The following ITGB3BP variants were observed in gnomAD, a reference collection of about 807,000 sequenced individuals.
ITGB3BP encodes the protein integrin subunit beta 3 binding protein, also known as centromere protein R.
In ITGB3BP, 27 loss-of-function variants were observed where a neutral mutation model predicts 29.1. That is an observed-to-expected ratio of 0.93 (90% CI 0.68 to 1.28). The LOEUF (loss-of-function observed/expected upper bound fraction) is 1.28. Ranked by LOEUF, ITGB3BP falls within the 50% of genes most tolerant of loss-of-function variation. The pLI is 0.00. For synonymous variants in ITGB3BP, 61 were observed against 61.4 expected (o/e 0.99, Z 0.03); for missense variants, 192 against 200.2 (o/e 0.96, Z 0.25).
chr1:63,510,166 G>T (rs980360141), intron 1 of ITGB3BP: 3 of 533,370 alleles, frequency 5.6e-6, no homozygotes, highest in Non-Finnish European at 1.0e-5. Context: ...CTCTAGCCTG[G>T]GCAACGGGAG....
At chr1:63,496,258 A>T (rs1466776306) in intron 2 of ITGB3BP, among the ~76,000 whole-genome samples, 2 of 151,910 alleles carry the variant, frequency 1.3e-5, no homozygotes, top group Non-Finnish European at 2.9e-5. Flanking sequence ...ATGCCTGGCT[A>T]ATTTTTTGTA....
chr1:63,447,752 A>G (rs895457058), intron 7 of ITGB3BP: 1 of 399,370 alleles, frequency 2.5e-6, no homozygotes, highest in Admixed American at 2.8e-5. Flanking sequence ...TAGTTCAACC[A>G]TTGTGGAAGT....
intron 2 of ITGB3BP, among the ~76,000 whole-genome samples, chr1:63,500,073 A>T (rs1645886827): frequency 6.6e-6 from 1 of 152,198 alleles, no homozygotes; most frequent in South Asian, 2.1e-4. Flanking sequence ...ACCTGATCTT[A>T]TATATAGAAT....
In ITGB3BP at chr1:63,454,797, T is replaced by C. The variant is rs574135819; in HGVS notation, c.333+93A>G. 6.9e-6 allele frequency: 4 copies of C among 577,038 alleles called. No individual in the cohort carries two copies. Among genetic ancestry groups the C allele is most frequent in the South Asian group, 3.2e-5 (1 of 31,060 alleles). The allele number at this position is 577,038 out of a possible 1,614,324, so 35.7% of individuals were successfully genotyped here. On this transcript the variant is annotated intron_variant, in intron 5 of 8. Transcript: ENST00000271002. The surrounding 1 kb of genome is among the most constrained non-coding windows in gnomAD (Gnocchi z 4.1). ...TGAAAAGTAAATTAAACATACTCTA[T>C]GCAAACTCTTTCCTGGATTGGATTC... is the stretch of plus-strand genomic sequence containing the variant.
chr1:63,466,712 C>CTT (rs2100559598), intron 4 of ITGB3BP, among the ~76,000 whole-genome samples: 1 of 152,280 alleles, frequency 6.6e-6, no homozygotes, highest in South Asian at 2.1e-4. Context: ...TATCATTGCA[C>CTT]TTTAACTTCC....
upstream of ITGB3BP, chr1:63,525,451 G>A (rs1037380007): frequency 4.1e-6 from 3 of 727,124 alleles, no homozygotes; most frequent in African/African-American, 1.9e-5. Flanking sequence ...TTTCATATAT[G>A]TTATAAATTT....
chr1:63,510,145 G>C, intron 1 of ITGB3BP: 1 of 620,360 alleles, frequency 1.6e-6, no homozygotes, highest in Non-Finnish European at 3.0e-6. Flanking sequence ...AACGGAAATC[G>C]TGCCATTGCA....
chr1:63,480,111 T>C (rs1320397080), intron 3 of ITGB3BP, among the ~76,000 whole-genome samples: 2 of 152,154 alleles, frequency 1.3e-5, no homozygotes, highest in African/African-American at 4.8e-5. Flanking sequence ...AATAAATGGT[T>C]ACCTTCCATT....
intron 2 of ITGB3BP, among the ~76,000 whole-genome samples, chr1:63,497,782 TC>T (rs1409158692): frequency 6.6e-6 from 1 of 152,150 alleles, no homozygotes; most frequent in African/African-American, 2.4e-5. Flanking sequence ...CTTGATCCCT[TC>T]CCCGTCTTCC....
intron 2 of ITGB3BP, among the ~76,000 whole-genome samples, chr1:63,490,733 G>C (rs1276627018): frequency 6.6e-6 from 1 of 152,124 alleles, no homozygotes; most frequent in Non-Finnish European, 1.5e-5. Context: ...AGGCCTTTGA[G>C]GATTTGGCCT....
intron 2 of ITGB3BP, among the ~76,000 whole-genome samples, chr1:63,528,675 C>A (rs1443825016): frequency 6.6e-6 from 1 of 151,644 alleles, no homozygotes; most frequent in Non-Finnish European, 1.5e-5. Context: ...ATATTATACA[C>A]CTACTATGTA....
intron 4 of ITGB3BP, among the ~76,000 whole-genome samples, chr1:63,473,271 C>G (rs1246035629): frequency 6.6e-6 from 1 of 151,798 alleles, no homozygotes; most frequent in African/African-American, 2.4e-5. Flanking sequence ...AGGAGCCCCT[C>G]TGTCCGGCAG....
upstream of ITGB3BP, chr1:63,527,894 T>C (rs1269973872): frequency 3.3e-5 from 5 of 152,218 alleles, no homozygotes; most frequent in Non-Finnish European, 7.4e-5. Context: ...TTCTCAAAAC[T>C]GAACAGAAGA....
intron 4 of ITGB3BP, among the ~76,000 whole-genome samples, chr1:63,465,278 C>A (rs1645080387): frequency 6.6e-6 from 1 of 152,076 alleles, no homozygotes; most frequent in African/African-American, 2.4e-5. Flanking sequence ...ATTTGCGACT[C>A]TGGGGGAGTG....
intron 4 of ITGB3BP, among the ~76,000 whole-genome samples, chr1:63,460,813 T>C (rs1645003988): frequency 6.6e-6 from 1 of 152,196 alleles, no homozygotes; most frequent in African/African-American, 2.4e-5. Flanking sequence ...TTTGTTTAAA[T>C]AGACATCCTC....
intron 7 of ITGB3BP, chr1:63,447,669 T>G: frequency 4.3e-6 from 2 of 465,436 alleles, no homozygotes; most frequent in South Asian, 3.1e-5. Flanking sequence ...CATTAAAAAG[T>G]CAGGAAACAA....
At chr1:63,492,780 C>A (rs1363557436) in intron 2 of ITGB3BP, among the ~76,000 whole-genome samples, 4 of 151,638 alleles carry the variant, frequency 2.6e-5, no homozygotes, top group East Asian at 1.9e-4. Flanking sequence ...TAAAAAAAAA[C>A]AAAACAAAAC....
intron 4 of ITGB3BP, among the ~76,000 whole-genome samples, chr1:63,461,584 G>T (rs945146875): frequency 3.1e-4 from 47 of 152,126 alleles, no homozygotes; most frequent in Admixed American, 2.6e-3. Context: ...CTCTAAGATA[G>T]TTATAAATGG....
chr1:63,515,587 G>A (rs1233940227), intron 1 of ITGB3BP, among the ~76,000 whole-genome samples: 3 of 151,922 alleles, frequency 2.0e-5, no homozygotes, highest in Non-Finnish European at 4.4e-5. Context: ...CAGGACTTTG[G>A]GAGGCTGAGG....
Sources: gnomAD v4.1 joint callset for allele counts (sites outside exome capture counted in the v4.1 genomes callset) on GRCh38, gnomAD v4.1.1 for gene constraint, Gnocchi (gnomAD v3.1) non-coding constraint, MANE v1.5 for transcripts, NCBI Gene and HGNC (gene_info 2026-07-23, HGNC 2026-07-21) for gene names.